MEMO1: variants seen among roughly 807,000 people sequenced by gnomAD.
MEMO1 encodes protein MEMO1.
Under a neutral mutation model 45.2 loss-of-function variants are expected in MEMO1, and 6 were observed. The observed-to-expected ratio is 0.13, with a 90% CI of 0.07 to 0.26. The LOEUF (loss-of-function observed/expected upper bound fraction) is 0.26, where lower values mean the gene tolerates loss of function less well. Among genes scored for constraint, MEMO1 ranks in the 10% least tolerant of loss-of-function variants. MEMO1 has a pLI of 1.00. For synonymous variants in MEMO1, 78 were observed against 124.3 expected, an observed-to-expected ratio of 0.63 and a Z score of 2.48; for missense variants, 184 against 370.5, an observed-to-expected ratio of 0.50 and a Z score of 4.13.
intron 2 of MEMO1, among the ~76,000 whole-genome samples, chr2:31,999,647 G>A (rs2148587194): frequency 6.6e-6 from 1 of 152,172 alleles, no homozygotes; most frequent in Non-Finnish European, 1.5e-5. Flanking sequence ...TCTAGCCTGG[G>A]CAACAGAGCA....
intron 2 of MEMO1, among the ~76,000 whole-genome samples, chr2:31,972,640 G>C (rs1374645365): frequency 6.6e-6 from 1 of 152,190 alleles, no homozygotes; most frequent in African/African-American, 2.4e-5. Context: ...GAGCCCAGGA[G>C]ATGGAGGTTG....
intron 9 of MEMO1, among the ~76,000 whole-genome samples, chr2:31,869,461 A>G (rs1673342810): frequency 6.6e-6 from 1 of 152,132 alleles, no homozygotes; most frequent in African/African-American, 2.4e-5. Flanking sequence ...ATGAACATTT[A>G]AAGTTTAAGA....
At chr2:31,939,122 A>C (rs983488855) in intron 3 of MEMO1, among the ~76,000 whole-genome samples, 32 of 151,972 alleles carry the variant, frequency 2.1e-4, no homozygotes, top group Non-Finnish European at 3.5e-4. Context: ...AAAAAAAAAA[A>C]AGATAGCCTT....
intron 2 of MEMO1, among the ~76,000 whole-genome samples, chr2:32,006,985 A>G (rs979010243): frequency 7.9e-5 from 12 of 151,402 alleles, no homozygotes; most frequent in Admixed American, 2.0e-4. Context: ...AAAAAAAAAA[A>G]AAGAAGTGAG....
At chr2:31,904,627 C>T (rs781098297) in intron 6 of MEMO1, among the ~76,000 whole-genome samples, 7 of 152,138 alleles carry the variant, frequency 4.6e-5, no homozygotes, top group Non-Finnish European at 7.4e-5. Flanking sequence ...TCACAGGAGG[C>T]GGAACTCAGG....
At chr2:31,953,387 A>G (rs941868867) in intron 2 of MEMO1, among the ~76,000 whole-genome samples, 1 of 149,826 alleles carries the variant, frequency 6.7e-6, no homozygotes, top group African/African-American at 2.5e-5. Context: ...AAAAAAAAAC[A>G]CAATTATTTC....
chr2:31,933,880 T>G (rs183515297), intron 3 of MEMO1, among the ~76,000 whole-genome samples: 37 of 152,286 alleles, frequency 2.4e-4, no homozygotes, highest in Admixed American at 5.2e-4. Flanking sequence ...ACACTCAGTT[T>G]TGATGTTATC....
In MEMO1 at chr2:31,953,454, AT is replaced by A. The variant is rs148325193; in HGVS notation, c.62-10072del. On this transcript the variant is annotated intron_variant, in intron 2 of 9. Coordinates refer to ENST00000404530, the MANE Select transcript of MEMO1 (RefSeq NM_001301833.4). ...GTAAATCAGTACGAACTTTCATAAG[AT>A]TTTTTTTTTTCTTTTTTTGAGACGG... Among the ~76,000 whole-genome samples the A allele has an allele frequency of 2.3e-3, 329 of 143,984 alleles. 1 individual carries two copies. The highest frequency in any genetic ancestry group is 7.0e-3 in the African/African-American group (273 of 38,994). The allele number at this position is 143,984 out of a possible 152,430, so 94.5% of individuals were successfully genotyped here.
At chr2:31,915,336 C>A (rs1373633352) in intron 6 of MEMO1, among the ~76,000 whole-genome samples, 1 of 152,096 alleles carries the variant, frequency 6.6e-6, no homozygotes, top group Non-Finnish European at 1.5e-5. Flanking sequence ...AGTAGACTAT[C>A]AGCAAAGACG....
chr2:31,886,055 T>C (rs1190925291), intron 7 of MEMO1, among the ~76,000 whole-genome samples: 1 of 152,236 alleles, frequency 6.6e-6, no homozygotes, highest in Non-Finnish European at 1.5e-5. Flanking sequence ...TGGATCGGCA[T>C]GGGATTTAAT....
At chr2:31,887,927 T>A (rs1166960579) in intron 7 of MEMO1, among the ~76,000 whole-genome samples, 1 of 152,154 alleles carries the variant, frequency 6.6e-6, no homozygotes, top group East Asian at 1.9e-4. Flanking sequence ...GAAATCTGAA[T>A]GTTATCAATT....
intron 9 of MEMO1, 47 bp downstream of exon 9, chr2:31,869,801 A>C: frequency 6.5e-7 from 1 of 1,548,880 alleles, no homozygotes; most frequent in Non-Finnish European, 8.7e-7. Flanking sequence ...ATTTTGGAAT[A>C]TCATATGACC....
intron 8 of MEMO1, among the ~76,000 whole-genome samples, chr2:31,873,263 C>T (rs910367201): frequency 1.3e-5 from 2 of 152,012 alleles, no homozygotes; most frequent in Admixed American, 6.6e-5. Context: ...ACCCATTCAG[C>T]GCTAAGATAT....
chr2:31,948,514 C>G (rs1452716222), intron 2 of MEMO1, among the ~76,000 whole-genome samples: 3 of 152,200 alleles, frequency 2.0e-5, no homozygotes, highest in Non-Finnish European at 4.4e-5. Flanking sequence ...AAGAAATAAA[C>G]TGATCTATCG....
At chr2:31,975,353 G>A (rs994027494) in intron 2 of MEMO1, among the ~76,000 whole-genome samples, 2 of 152,306 alleles carry the variant, frequency 1.3e-5, no homozygotes, top group African/African-American at 4.8e-5. Flanking sequence ...ACTAGAGTTT[G>A]AAGAAAATTC....
chr2:31,903,585 A>G (rs1382309321), intron 6 of MEMO1, among the ~76,000 whole-genome samples: 3 of 152,168 alleles, frequency 2.0e-5, no homozygotes, highest in African/African-American at 7.2e-5. Flanking sequence ...ATGATTTGCT[A>G]TTATTCTGGA....
chr2:31,964,342 A>T (rs1420020695), intron 2 of MEMO1, among the ~76,000 whole-genome samples: 1 of 152,172 alleles, frequency 6.6e-6, no homozygotes, highest in Non-Finnish European at 1.5e-5. Flanking sequence ...CAGACATACC[A>T]ACTAATTAAA....
chr2:31,972,510 A>T (rs1669527123), intron 2 of MEMO1, among the ~76,000 whole-genome samples: 1 of 152,196 alleles, frequency 6.6e-6, no homozygotes, highest in Admixed American at 6.5e-5. Flanking sequence ...CAGGAGTTCT[A>T]GACCAGCCTG....
chr2:31,932,552 C>G (rs913620576), intron 3 of MEMO1, among the ~76,000 whole-genome samples: 7 of 151,982 alleles, frequency 4.6e-5, no homozygotes, highest in African/African-American at 1.7e-4. Flanking sequence ...AATCCTCCTG[C>G]CTCAGCTTCC....
Sources: gnomAD v4.1 joint callset for allele counts (sites outside exome capture counted in the v4.1 genomes callset) on GRCh38, gnomAD v4.1.1 for gene constraint, MANE v1.5 for transcripts, NCBI Gene and HGNC (gene_info 2026-07-23, HGNC 2026-07-21) for gene names.